Variants in BBX observed in about 807,000 individuals in gnomAD.
BBX encodes HMG box transcription factor BBX.
A neutral mutation model predicts 100.2 loss-of-function variants in BBX; 30 were observed. The observed-to-expected ratio is 0.30, with a 90% confidence interval of 0.22 to 0.41. The LOEUF is 0.41. BBX is among the 10% of genes least tolerant of loss of function. The pLI is 1.00. For synonymous variants in BBX, 376 were observed against 388.1 expected, an observed-to-expected ratio of 0.97 and a Z score of 0.37; for missense variants, 1,023 against 1,129.8, an observed-to-expected ratio of 0.91 and a Z score of 1.35.
rs114768652 is a variant in BBX, at chr3:107,737,798, T to C, written c.669+4775T>C. 1.8e-3 allele frequency among the ~76,000 whole-genome samples: 275 copies of C among 151,306 alleles called. 5 individuals carry two copies. The Middle Eastern group carries it at 0.048, about 27-fold the overall frequency. The stretch of plus-strand genomic sequence containing the variant: ...CCTATTTTAAAATGTTTACAGCTTA[T>C]GCATCAAGATTTCTTAAAATCCAAA... On this transcript the variant is annotated intron_variant, in intron 7 of 17. Coordinates refer to ENST00000325805, the MANE Select transcript of BBX (RefSeq NM_001142568.3).
At chr3:107,798,776 A>G (rs1250375025) in intron 16 of BBX, 56 bp downstream of exon 16, 4 of 1,490,790 alleles carry the variant, frequency 2.7e-6, no homozygotes, top group Non-Finnish European at 3.7e-6. Context: ...TCCCTGGGCC[A>G]CACTGGAAGA....
chr3:107,611,478 A>G (rs2054843375), intron 2 of BBX, among the ~76,000 whole-genome samples: 1 of 152,030 alleles, frequency 6.6e-6, no homozygotes, highest in Admixed American at 6.5e-5. Context: ...CTCCTTTATG[A>G]TTGAAGGATT....
At chr3:107,786,339 A>G (rs1265086494) in intron 13 of BBX, among the ~76,000 whole-genome samples, 1 of 152,114 alleles carries the variant, frequency 6.6e-6, no homozygotes, top group Non-Finnish European at 1.5e-5. Context: ...GTAGAATTGC[A>G]AGATATTCAG....
chr3:107,799,895 G>A (rs1295730031), intron 16 of BBX, among the ~76,000 whole-genome samples: 1 of 152,194 alleles, frequency 6.6e-6, no homozygotes, highest in Non-Finnish European at 1.5e-5. Context: ...AAATCTTGGA[G>A]TGCTATACCA....
chr3:107,659,699 C>T (rs1342982776), intron 3 of BBX: 1 of 1,274,504 alleles, frequency 7.8e-7, no homozygotes, highest in Non-Finnish European at 1.0e-6. Flanking sequence ...CACCACACTG[C>T]CTGTAGATTA....
intron 5 of BBX, among the ~76,000 whole-genome samples, chr3:107,724,386 T>G (rs1450276299): frequency 6.6e-6 from 1 of 152,080 alleles, no homozygotes; most frequent in Non-Finnish European, 1.5e-5. Context: ...TAGTTTCTTT[T>G]GCTGTGCAGA....
At chr3:107,600,938 A>C (rs150529593) in intron 2 of BBX, among the ~76,000 whole-genome samples, 1 of 152,286 alleles carries the variant, frequency 6.6e-6, no homozygotes, top group East Asian at 1.9e-4. Context: ...GATCTGTGGC[A>C]ACTCTGCCTC....
At chr3:107,673,962 A>G (rs1467374792) in intron 3 of BBX, among the ~76,000 whole-genome samples, 1 of 152,176 alleles carries the variant, frequency 6.6e-6, no homozygotes, top group Non-Finnish European at 1.5e-5. Context: ...TGGTGGACAG[A>G]TGTGAACTGT....
chr3:107,630,944 C>G (rs934659385), intron 2 of BBX, among the ~76,000 whole-genome samples: 1 of 152,146 alleles, frequency 6.6e-6, no homozygotes, highest in African/African-American at 2.4e-5. Flanking sequence ...AGCCCATGGG[C>G]CCCTGATTTC....
At chr3:107,674,114 T>C (rs2059161355) in intron 3 of BBX, among the ~76,000 whole-genome samples, 1 of 152,166 alleles carries the variant, frequency 6.6e-6, no homozygotes, top group South Asian at 2.1e-4. Flanking sequence ...AAAGAACGTG[T>C]CAGTAAATCA....
intron 3 of BBX, among the ~76,000 whole-genome samples, chr3:107,652,545 C>A (rs149963952): frequency 6.6e-6 from 1 of 152,124 alleles, no homozygotes; most frequent in African/African-American, 2.4e-5. Context: ...AGGAATTTTA[C>A]CTGTGTATTT....
chr3:107,732,824 A>G (rs2063392935), intron 6 of BBX, 132 bp from the exon 7 acceptor site: 1 of 722,798 alleles, frequency 1.4e-6, no homozygotes, highest in Admixed American at 2.8e-5. Flanking sequence ...GAGTTTTTAA[A>G]AGTTTTTATA....
In BBX at chr3:107,773,649, T is replaced by C. The variant is rs1371159437; in HGVS notation, c.1915+13T>C. On this transcript the variant is annotated intron_variant, in intron 11 of 17. Transcript: ENST00000325805. This position sits in a 1 kb window ranked among gnomAD's most constrained non-coding sequence, Gnocchi z 4.1. ...AATGTTGACAGAGGTAAGTAACTTC[T>C]ACAAACCTGAAAAGAATTCAAAAAC... 6.3e-7 allele frequency: 1 copy of C among 1,584,184 alleles called. No homozygotes were observed. The highest frequency in any genetic ancestry group is 2.2e-5 in the East Asian group (1 of 44,750).
At chr3:107,800,300 C>T (rs1409501241) in intron 16 of BBX, among the ~76,000 whole-genome samples, 2 of 152,180 alleles carry the variant, frequency 1.3e-5, no homozygotes, top group African/African-American at 2.4e-5. Context: ...GTTACATCCA[C>T]ATTTGTTTTC....
At chr3:107,652,302 G>T (rs151218570) in intron 3 of BBX, among the ~76,000 whole-genome samples, 1 of 152,008 alleles carries the variant, frequency 6.6e-6, no homozygotes, top group African/African-American at 2.4e-5. Context: ...TCTAAAAAAT[G>T]TAATCAAAAA....
intron 5 of BBX, 120 bp downstream of exon 5, chr3:107,716,969 T>C (rs1403172999): frequency 4.7e-6 from 6 of 1,274,566 alleles, no homozygotes; most frequent in Non-Finnish European, 6.5e-6. Flanking sequence ...ATAAATGAGA[T>C]GTTAAGTAAA....
chr3:107,810,576 C>T lies in BBX; in HGVS notation c.*5119C>T, dbSNP rs900716763. 2 of 152,196 alleles carry T rather than the reference C, an allele frequency of 1.3e-5. No individual in the cohort carries two copies. Among genetic ancestry groups the T allele is most frequent in the African/African-American group, 2.4e-5 (1 of 41,440 alleles). The allele number at this position is 152,196 out of a possible 1,614,324, so 9.4% of individuals were successfully genotyped here. A position where few individuals can be genotyped will look rare whatever the true frequency, so the allele number is the denominator to read the frequency against. ...TTCATGCATTAACACTGATTTCGCT[C>T]TGTGGCCCACCAGAGGGGTGGGCTC... On this transcript the variant is annotated 3_prime_UTR_variant, in exon 18 of 18. Coordinates refer to ENST00000325805, the MANE Select transcript of BBX (RefSeq NM_001142568.3).
chr3:107,714,536 A>T (rs76600864), intron 4 of BBX, among the ~76,000 whole-genome samples: 1 of 152,174 alleles, frequency 6.6e-6, no homozygotes, highest in Admixed American at 6.5e-5. Flanking sequence ...TTCATCTTAT[A>T]TATTAATAGT....
chr3:107,526,515 G>A, intron 2 of BBX, 117 bp downstream of exon 2: 1 of 395,916 alleles, frequency 2.5e-6, no homozygotes. Context: ...CAGAAACCTT[G>A]TCTCACTGAG....
Sources: gnomAD v4.1 joint callset for allele counts (sites outside exome capture counted in the v4.1 genomes callset) on GRCh38, gnomAD v4.1.1 for gene constraint, Gnocchi (gnomAD v3.1) non-coding constraint, MANE v1.5 for transcripts, NCBI Gene and HGNC (gene_info 2026-07-23, HGNC 2026-07-21) for gene names.